Variants in GRIP1 observed in about 807,000 individuals in gnomAD.
GRIP1 encodes the protein glutamate receptor-interacting protein 1.
In GRIP1, 45 loss-of-function variants were observed where a neutral mutation model predicts 129.9. That is an observed-to-expected ratio of 0.35 (90% confidence interval 0.27 to 0.44). The LOEUF (loss-of-function observed/expected upper bound fraction) is 0.44. Ranked by LOEUF, GRIP1 falls within the 20% of genes least tolerant of loss-of-function variation. The pLI is 1.00. For missense variants in GRIP1, 1,196 were observed against 1,396.8 expected (o/e 0.86, Z 2.29); for synonymous variants, 530 against 520.8 (o/e 1.02, Z -0.24).
At chr12:66,973,776 T>C (rs2042110096) in intron 1 of GRIP1, among the ~76,000 whole-genome samples, 1 of 152,176 alleles carries the variant, frequency 6.6e-6, no homozygotes, top group Admixed American at 6.5e-5. Flanking sequence ...GTGCATCAGC[T>C]ATGTGATGGT....
At chr12:66,906,933 ACATAACCTT>A (rs1207224314) in intron 1 of GRIP1, among the ~76,000 whole-genome samples, 1 of 152,112 alleles carries the variant, frequency 6.6e-6, no homozygotes, top group Non-Finnish European at 1.5e-5. Flanking sequence ...TCAATATCTC[ACATAACCTT>A]CATACCAATG....
At chr12:66,719,873 T>C (rs932115576) in intron 1 of GRIP1, among the ~76,000 whole-genome samples, 2 of 152,158 alleles carry the variant, frequency 1.3e-5, no homozygotes, top group African/African-American at 2.4e-5. Flanking sequence ...TCTAATTAAG[T>C]TGGTACATTT....
chr12:66,977,495 G>A (rs1358884935), intron 1 of GRIP1, among the ~76,000 whole-genome samples: 1 of 152,056 alleles, frequency 6.6e-6, no homozygotes, highest in African/African-American at 2.4e-5. Flanking sequence ...ACACACTCAA[G>A]TTATCAGTCC....
At chr12:66,752,117 C>G (rs1171065529) in intron 1 of GRIP1, among the ~76,000 whole-genome samples, 4 of 151,924 alleles carry the variant, frequency 2.6e-5, no homozygotes, top group Admixed American at 1.3e-4. Context: ...AAGATTTGTC[C>G]ATATTATGAA....
chr12:66,733,111 C>T (rs1592788236), intron 1 of GRIP1, among the ~76,000 whole-genome samples: 1 of 152,076 alleles, frequency 6.6e-6, no homozygotes, highest in East Asian at 1.9e-4. Flanking sequence ...ACCTTAGCCT[C>T]CTGAGAAGCA....
intron 23 of GRIP1, among the ~76,000 whole-genome samples, chr12:66,357,934 G>A (rs2054570190): frequency 1.3e-5 from 2 of 152,116 alleles, no homozygotes; most frequent in Non-Finnish European, 2.9e-5. Context: ...CACTCTGTGG[G>A]CCAGGCTGGA....
intron 1 of GRIP1, among the ~76,000 whole-genome samples, chr12:67,030,330 T>C (rs1434802363): frequency 6.6e-6 from 1 of 152,028 alleles, no homozygotes; most frequent in East Asian, 1.9e-4. Context: ...TAAGTTATTA[T>C]CAATAAAGAC....
intron 1 of GRIP1, among the ~76,000 whole-genome samples, chr12:67,009,670 T>A (rs1565637071): frequency 6.6e-6 from 1 of 152,150 alleles, no homozygotes; most frequent in Non-Finnish European, 1.5e-5. Context: ...CTGAACATAT[T>A]ATTCAAATAG....
At chr12:67,047,319 T>A (rs2043269187) in intron 1 of GRIP1, among the ~76,000 whole-genome samples, 1 of 152,176 alleles carries the variant, frequency 6.6e-6, no homozygotes. Flanking sequence ...TATAGAAAAT[T>A]TGAGACACAG....
intron 1 of GRIP1, among the ~76,000 whole-genome samples, chr12:66,736,268 C>A (rs1179292690): frequency 6.6e-6 from 1 of 150,724 alleles, no homozygotes; most frequent in Non-Finnish European, 1.5e-5. Flanking sequence ...TAACCTCCAA[C>A]TCCTGGGCTC....
At chr12:66,376,263 A>C (rs1330177104) in intron 22 of GRIP1, among the ~76,000 whole-genome samples, 1 of 152,234 alleles carries the variant, frequency 6.6e-6, no homozygotes. Flanking sequence ...TTGAGAAGCA[A>C]AATAATATAA....
intron 1 of GRIP1, among the ~76,000 whole-genome samples, chr12:66,717,383 TA>T (rs11403679): frequency 0.042 from 6,196 of 146,472 alleles, 240 homozygotes; most frequent in East Asian, 0.19. Flanking sequence ...TTGCTCACTG[TA>T]AAAAAAAAAA....
In GRIP1 at chr12:66,811,745, A is replaced by G. The variant is rs1361596934; in HGVS notation, c.59-214818T>C. 8.6e-5 allele frequency among the ~76,000 whole-genome samples: 13 copies of G among 152,030 alleles called. No homozygotes were observed. The South Asian group carries it at 2.5e-3, about 29-fold the overall frequency. The stretch of plus-strand genomic sequence containing the variant: ...TTAAGTTATACATATTTATTTATTT[A>G]TATTTGTCTCTTGGTTGGTTGGTTT... On this transcript the variant is annotated intron_variant, in intron 1 of 1. Coordinates refer to the GRIP1 transcript ENST00000643019.
intron 1 of GRIP1, among the ~76,000 whole-genome samples, chr12:66,989,658 T>C (rs1019587491): frequency 2.6e-5 from 4 of 152,198 alleles, no homozygotes; most frequent in Non-Finnish European, 4.4e-5. Context: ...CAGATTAATA[T>C]ATAATGTTTC....
At chr12:66,628,548 C>T (rs1387244142) in intron 1 of GRIP1, among the ~76,000 whole-genome samples, 1 of 152,234 alleles carries the variant, frequency 6.6e-6, no homozygotes, top group Non-Finnish European at 1.5e-5. Context: ...CATCACCATG[C>T]CACTTCTCTG....
chr12:66,928,748 A>G (rs1302270968), intron 1 of GRIP1, among the ~76,000 whole-genome samples: 2 of 152,208 alleles, frequency 1.3e-5, no homozygotes, highest in East Asian at 3.8e-4. Flanking sequence ...TTGACTTTTT[A>G]ATCTTAAAAA....
intron 1 of GRIP1, among the ~76,000 whole-genome samples, chr12:66,686,733 A>C (rs1184971214): frequency 1.3e-5 from 2 of 152,230 alleles, no homozygotes; most frequent in Admixed American, 6.5e-5. Context: ...GAAGGAGTTA[A>C]GTTTTCCATA....
chr12:66,509,776 A>G (rs181885916), intron 7 of GRIP1, among the ~76,000 whole-genome samples: 1 of 152,220 alleles, frequency 6.6e-6, no homozygotes, highest in East Asian at 1.9e-4. Context: ...GGAGGGGAAC[A>G]ACACACACTG....
intron 3 of GRIP1, among the ~76,000 whole-genome samples, chr12:66,540,613 G>T (rs1015897316): frequency 3.9e-5 from 6 of 152,044 alleles, no homozygotes; most frequent in African/African-American, 1.4e-4. Context: ...GCAATCCACT[G>T]GATTAAGTTT....
Sources: allele counts gnomAD v4.1 joint callset (sites outside exome capture counted in the v4.1 genomes callset), GRCh38; gene constraint gnomAD v4.1.1; transcripts MANE v1.5; gene names NCBI Gene and HGNC (gene_info 2026-07-23, HGNC 2026-07-21).